ARHGEF4: variants seen among roughly 807,000 people sequenced by gnomAD.
ARHGEF4 encodes Rho guanine nucleotide exchange factor 4, also known as APC-stimulated guanine nucleotide exchange factor 1.
ARHGEF4 carries 119 observed loss-of-function variants against 162.0 expected under a neutral mutation model. The observed-to-expected ratio is 0.73, with a 90% CI of 0.63 to 0.86. The LOEUF (loss-of-function observed/expected upper bound fraction) is 0.86, where lower values mean the gene tolerates loss of function less well. Among genes scored for constraint, ARHGEF4 ranks in the 40% least tolerant of loss-of-function variants. The probability of loss-of-function intolerance (pLI) is 0.00; values close to 1 mark genes in which losing one functional copy is unlikely to be tolerated. For synonymous variants in ARHGEF4, 1,014 were observed against 979.9 expected, an observed-to-expected ratio of 1.03 and a Z score of -0.65; for missense variants, 2,488 against 2,456.0, an observed-to-expected ratio of 1.01 and a Z score of -0.28.
chr2:130,885,474 T>TA (rs1213202527), intron 1 of ARHGEF4, among the ~76,000 whole-genome samples: 1 of 151,798 alleles, frequency 6.6e-6, no homozygotes, highest in Non-Finnish European at 1.5e-5. Context: ...GTAATACTGT[T>TA]ACAATGGCAA....
At chr2:130,999,523 C>T (rs905903906) in intron 4 of ARHGEF4, among the ~76,000 whole-genome samples, 3 of 152,128 alleles carry the variant, frequency 2.0e-5, no homozygotes, top group African/African-American at 4.8e-5. Context: ...TGTAAATCTT[C>T]TCTTTCAGTC....
At chr2:130,925,389 G>A (rs1398917430) in intron 2 of ARHGEF4, among the ~76,000 whole-genome samples, 1 of 152,118 alleles carries the variant, frequency 6.6e-6, no homozygotes. Flanking sequence ...TAGTCTTTTC[G>A]AGAAACAATG....
intron 4 of ARHGEF4, among the ~76,000 whole-genome samples, chr2:130,992,041 G>C (rs946829111): frequency 6.6e-6 from 1 of 152,214 alleles, no homozygotes; most frequent in African/African-American, 2.4e-5. Context: ...GGGTTTGTGA[G>C]TGCACCAATC....
intron 1 of ARHGEF4, among the ~76,000 whole-genome samples, chr2:130,898,278 C>T (rs1680283310): frequency 6.6e-6 from 1 of 152,146 alleles, no homozygotes; most frequent in Non-Finnish European, 1.5e-5. Context: ...TGCCGGGCAC[C>T]GCTGCGTTCA....
chr2:130,962,332 G>A (rs1684677898), intron 4 of ARHGEF4, among the ~76,000 whole-genome samples: 1 of 151,882 alleles, frequency 6.6e-6, no homozygotes, highest in Admixed American at 6.6e-5. Flanking sequence ...AACTGAGGAG[G>A]GGGCTTTGAT....
At chr2:130,953,453 C>T (rs910733559) in intron 4 of ARHGEF4, among the ~76,000 whole-genome samples, 8 of 152,152 alleles carry the variant, frequency 5.3e-5, no homozygotes, top group African/African-American at 1.9e-4. Context: ...CGTAAAAGCC[C>T]TAGAAGAAAA....
At chr2:130,993,215 T>G (rs1214268526) in intron 4 of ARHGEF4, among the ~76,000 whole-genome samples, 5 of 152,252 alleles carry the variant, frequency 3.3e-5, no homozygotes, top group African/African-American at 1.2e-4. Flanking sequence ...TCATTCAGTT[T>G]GAATATTTTC....
intron 1 of ARHGEF4, among the ~76,000 whole-genome samples, chr2:130,851,902 G>T (rs1395815978): frequency 2.0e-5 from 3 of 152,250 alleles, no homozygotes; most frequent in Non-Finnish European, 2.9e-5. Flanking sequence ...GCTGCCACCT[G>T]CCAGGTTGGT....
intron 4 of ARHGEF4, among the ~76,000 whole-genome samples, chr2:130,947,479 G>A (rs185312448): frequency 9.9e-5 from 15 of 152,136 alleles, no homozygotes; most frequent in African/African-American, 1.7e-4. Flanking sequence ...CTGTCCCTTC[G>A]TCTCGTAGTA....
intron 11 of ARHGEF4, 92 bp from the exon 12 acceptor site, chr2:131,044,207 C>A: frequency 6.5e-7 from 1 of 1,533,066 alleles, no homozygotes; most frequent in Non-Finnish European, 8.8e-7. Flanking sequence ...TCACCAGCAG[C>A]CCCTCCTATG....
intron 5 of ARHGEF4, chr2:131,035,269 G>A: frequency 2.5e-6 from 3 of 1,219,224 alleles, no homozygotes; most frequent in Non-Finnish European, 3.1e-6. Flanking sequence ...CTGAGCGGCC[G>A]CGCAGGGCGC....
intron 4 of ARHGEF4, among the ~76,000 whole-genome samples, chr2:130,974,347 A>AT (rs944919809): frequency 6.6e-6 from 1 of 151,828 alleles, no homozygotes; most frequent in African/African-American, 2.4e-5. Context: ...AGTGACAATA[A>AT]TTTTTTTTCC....
intron 1 of ARHGEF4, among the ~76,000 whole-genome samples, chr2:130,900,829 A>G (rs1027268915): frequency 6.6e-6 from 1 of 152,178 alleles, no homozygotes; most frequent in Non-Finnish European, 1.5e-5. Context: ...TGTAGCAAGC[A>G]TTTGCCCTAT....
At chr2:131,024,289 G>A (rs1398647847) in intron 4 of ARHGEF4, among the ~76,000 whole-genome samples, 2 of 152,122 alleles carry the variant, frequency 1.3e-5, no homozygotes, top group African/African-American at 2.4e-5. Flanking sequence ...GGCGGGGGGT[G>A]TTTTGAGACA....
Position 130,915,741 on chromosome 2 carries a change from C to T in ARHGEF4, c.1795C>T (p.Pro599Ser). The change falls in exon 2 of 14, where the codon CCC (proline) becomes TCC (serine). Residue 599 changes from proline to serine, a missense_variant. Physicochemically the swap from Pro to Ser is moderately conservative, Grantham distance 74. Coordinates refer to ENST00000409359, the MANE Select transcript of ARHGEF4 (RefSeq NM_001367493.1). ...FKAATVSHCG[P>S]GAEEGEQGPG... ...GGCAGCCACGGTGTCTCACTGCGGC[C>T]CCGGGGCTGAGGAGGGTGAACAGGG... 2 of 1,546,584 alleles carry T rather than the reference C, an allele frequency of 1.3e-6. No individual in the cohort carries two copies. Among genetic ancestry groups the T allele is most frequent in the Non-Finnish European group, 1.7e-6 (2 of 1,144,644 alleles).
intron 4 of ARHGEF4, among the ~76,000 whole-genome samples, chr2:130,980,235 A>G (rs1388788583): frequency 6.6e-6 from 1 of 152,094 alleles, no homozygotes; most frequent in Non-Finnish European, 1.5e-5. Flanking sequence ...CATCTCTACT[A>G]AAAATACAAA....
At chr2:131,026,987 G>T (rs928129926) in intron 4 of ARHGEF4, among the ~76,000 whole-genome samples, 2 of 152,198 alleles carry the variant, frequency 1.3e-5, no homozygotes, top group Admixed American at 6.5e-5. Context: ...TTGTGGTATT[G>T]ATTTCATAGG....
At chr2:131,000,210 T>C (rs1398139524) in intron 4 of ARHGEF4, among the ~76,000 whole-genome samples, 1 of 152,260 alleles carries the variant, frequency 6.6e-6, no homozygotes, top group East Asian at 1.9e-4. Flanking sequence ...TGTCTTATAA[T>C]TTATTTCCTC....
chr2:130,964,010 C>T (rs1684818209), intron 4 of ARHGEF4: 1 of 210,206 alleles, frequency 4.8e-6, no homozygotes, highest in Non-Finnish European at 6.7e-6. Context: ...GCCCAGCCTT[C>T]CCCGAGCCTG....
Sources: allele counts gnomAD v4.1 joint callset (sites outside exome capture counted in the v4.1 genomes callset), GRCh38; gene constraint gnomAD v4.1.1; transcripts MANE v1.5; gene names NCBI Gene and HGNC (gene_info 2026-07-23, HGNC 2026-07-21).